BMERB1: variants seen among roughly 807,000 people sequenced by gnomAD.
The protein encoded by BMERB1 is bMERB domain-containing protein 1.
A neutral mutation model predicts 23.6 loss-of-function variants in BMERB1; 12 were observed. The ratio of observed to expected loss-of-function variants is 0.51; its 90% confidence interval spans 0.33 to 0.82. BMERB1 has a LOEUF of 0.82. Ranked by LOEUF, BMERB1 falls within the 40% of genes least tolerant of loss-of-function variation. BMERB1 has a pLI of 0.03. For missense variants in BMERB1, 247 were observed against 255.4 expected (o/e 0.97, Z 0.22); for synonymous variants, 122 against 96.6 (o/e 1.26, Z -1.54).
chr16:15,443,129 T>A (rs1017702305), intron 1 of BMERB1, among the ~76,000 whole-genome samples: 3 of 151,996 alleles, frequency 2.0e-5, no homozygotes, highest in Admixed American at 2.0e-4. Context: ...GCATCTGTAA[T>A]CCCAGCTACT....
chr16:15,472,832 GT>G (rs890943746), intron 1 of BMERB1, among the ~76,000 whole-genome samples: 1 of 147,172 alleles, frequency 6.8e-6, no homozygotes, highest in African/African-American at 2.5e-5. Flanking sequence ...TTTCCTACAG[GT>G]TACTTGACAT....
intron 1 of BMERB1, among the ~76,000 whole-genome samples, chr16:15,512,038 A>AAAAAAAAG (rs1555509799): frequency 8.1e-5 from 12 of 148,406 alleles, no homozygotes; most frequent in South Asian, 2.2e-4. Context: ...AAAAAAAAAA[A>AAAAAAAAG]GGGGGAATTG....
At chr16:15,473,222 TAAAAC>T (rs2051245374) in intron 1 of BMERB1, among the ~76,000 whole-genome samples, 2 of 151,892 alleles carry the variant, frequency 1.3e-5, no homozygotes, top group African/African-American at 2.4e-5. Context: ...CCAAATAAGA[TAAAAC>T]TAAAGTTCCA....
chr16:15,523,225 C>T lies in BMERB1; in HGVS notation c.230+7797C>T, dbSNP rs115692417. Among the ~76,000 whole-genome samples the T allele has an allele frequency of 8.1e-3, 1,236 of 152,324 alleles. 23 individuals carry two copies. Among genetic ancestry groups the T allele is most frequent in the African/African-American group, 0.028 (1,176 of 41,564 alleles). On this transcript the variant is annotated intron_variant, in intron 2 of 5. Transcript: ENST00000300006. ...TCTTCTGCCAGCGTGTTCCTCTTGA[C>T]GTCTTCTTGACATCCAGACGCTTGT...
intron 2 of BMERB1, among the ~76,000 whole-genome samples, chr16:15,519,074 T>TACACAC (rs145892599): frequency 0.2 from 28,645 of 140,242 alleles, 2,942 homozygotes; most frequent in East Asian, 0.31. Context: ...ACAATCCTCT[T>TACACAC]ACACACACAC....
At chr16:15,571,925 T>A (rs1006184321) in intron 3 of BMERB1, among the ~76,000 whole-genome samples, 1 of 152,156 alleles carries the variant, frequency 6.6e-6, no homozygotes, top group African/African-American at 2.4e-5. Context: ...CTGCCCTCTC[T>A]TTCCCCTTTA....
chr16:15,565,049 A>T (rs2030525285), intron 2 of BMERB1, among the ~76,000 whole-genome samples: 1 of 151,304 alleles, frequency 6.6e-6, no homozygotes, highest in Admixed American at 6.6e-5. Context: ...ATATTCCTTT[A>T]TGCAAAAAAA....
At chr16:15,580,579 G>A (rs150189657) in intron 3 of BMERB1, among the ~76,000 whole-genome samples, 2,119 of 138,086 alleles carry the variant, frequency 0.015, 58 homozygotes, top group African/African-American at 0.057. Flanking sequence ...ACAGAGTCTC[G>A]CTCTATCACC....
At chr16:15,448,706 C>A (rs1175095467) in intron 1 of BMERB1, among the ~76,000 whole-genome samples, 1 of 152,118 alleles carries the variant, frequency 6.6e-6, no homozygotes, top group Non-Finnish European at 1.5e-5. Context: ...GCATGAGAAT[C>A]GCTTGAACCT....
intron 1 of BMERB1, among the ~76,000 whole-genome samples, chr16:15,504,579 G>T (rs1284707176): frequency 6.6e-6 from 1 of 151,780 alleles, no homozygotes; most frequent in African/African-American, 2.4e-5. Context: ...CTCCCAAGTA[G>T]CTGGGACCAC....
intron 1 of BMERB1, among the ~76,000 whole-genome samples, chr16:15,485,759 A>G (rs1355941448): frequency 4.0e-5 from 6 of 151,858 alleles, no homozygotes; most frequent in Admixed American, 6.6e-5. Flanking sequence ...ACTAAAGTAG[A>G]GCCCAAAACC....
intron 5 of BMERB1, 84 bp downstream of exon 5, chr16:15,583,322 A>C: frequency 1.7e-6 from 2 of 1,147,210 alleles, no homozygotes. Context: ...TCACGCCTGT[A>C]ATCCCAGCAC....
chr16:15,446,373 C>T (rs1371230377), intron 1 of BMERB1, among the ~76,000 whole-genome samples: 2 of 152,080 alleles, frequency 1.3e-5, no homozygotes, highest in African/African-American at 4.8e-5. Context: ...CCAGCATGGG[C>T]AACAAAGTGA....
At chr16:15,476,098 G>A (rs139320229) in intron 1 of BMERB1, among the ~76,000 whole-genome samples, 171 of 151,540 alleles carry the variant, frequency 1.1e-3, no homozygotes, top group Non-Finnish European at 2.1e-3. Flanking sequence ...GCTGAGAGAT[G>A]ACCTCCCAGG....
At chr16:15,442,651 A>G (rs929643239) in intron 1 of BMERB1, among the ~76,000 whole-genome samples, 13 of 152,188 alleles carry the variant, frequency 8.5e-5, no homozygotes, top group African/African-American at 2.9e-4. Context: ...AGTTTTAGCT[A>G]TGAACTTGAG....
At chr16:15,467,262 G>T (rs370148274) in intron 1 of BMERB1, among the ~76,000 whole-genome samples, 1 of 152,178 alleles carries the variant, frequency 6.6e-6, no homozygotes, top group African/African-American at 2.4e-5. Context: ...ATAAGAAATT[G>T]CCAAACTATT....
chr16:15,585,831 G>C (rs1438686746), intron 5 of BMERB1, among the ~76,000 whole-genome samples: 1 of 151,744 alleles, frequency 6.6e-6, no homozygotes, highest in Non-Finnish European at 1.5e-5. Flanking sequence ...TCCATCTCAA[G>C]AAAAGAAAAG....
At chr16:15,556,535 G>A (rs1202276568) in intron 2 of BMERB1, among the ~76,000 whole-genome samples, 1 of 152,210 alleles carries the variant, frequency 6.6e-6, no homozygotes, top group Non-Finnish European at 1.5e-5. Context: ...TGTGCTTGCA[G>A]AATGGGGCTC....
At chr16:15,534,235 G>C (rs997947508) in intron 2 of BMERB1, among the ~76,000 whole-genome samples, 2 of 137,126 alleles carry the variant, frequency 1.5e-5, no homozygotes, top group African/African-American at 5.4e-5. Flanking sequence ...CAGCCCCAGA[G>C]GACTAGCCCC....
Sources: gnomAD v4.1 joint callset for allele counts (sites outside exome capture counted in the v4.1 genomes callset) on GRCh38, gnomAD v4.1.1 for gene constraint, MANE v1.5 for transcripts, NCBI Gene and HGNC (gene_info 2026-07-23, HGNC 2026-07-21) for gene names.